ACADSB: variants seen among roughly 807,000 people sequenced by gnomAD.
ACADSB encodes acyl-CoA dehydrogenase short/branched chain, also known as short/branched chain specific acyl-CoA dehydrogenase, mitochondrial.
Under a neutral mutation model 54.1 loss-of-function variants are expected in ACADSB, and 40 were observed. That is an observed-to-expected ratio of 0.74 (90% confidence interval 0.57 to 0.96). The LOEUF is 0.96. Ranked by LOEUF, ACADSB falls within the 40% of genes least tolerant of loss-of-function variation. ACADSB has a pLI of 0.00. For missense variants in ACADSB, 530 were observed against 510.4 expected (o/e 1.04, Z -0.37); for synonymous variants, 182 against 182.8 (o/e 1.00, Z 0.03).
At chr10:123,036,862 G>A (rs920910441) in intron 2 of ACADSB, among the ~76,000 whole-genome samples, 16 of 152,282 alleles carry the variant, frequency 1.1e-4, no homozygotes, top group Non-Finnish European at 1.8e-4. Flanking sequence ...CATAATGAGA[G>A]TCGCGTGTGC....
intron 6 of ACADSB, 96 bp downstream of exon 6, chr10:123,043,267 G>A (rs1850500217): frequency 6.8e-7 from 1 of 1,470,264 alleles, no homozygotes; most frequent in Non-Finnish European, 9.5e-7. Flanking sequence ...AATACTAAGT[G>A]GCTATAAGCA....
At chr10:123,025,603 C>T (rs1239659570) in intron 1 of ACADSB, among the ~76,000 whole-genome samples, 1 of 152,044 alleles carries the variant, frequency 6.6e-6, no homozygotes, top group African/African-American at 2.4e-5. Flanking sequence ...AGCTAATTTC[C>T]CTAATTTGTA....
rs1266747835 is a variant in ACADSB at position 123,043,160 on chromosome 10, G to A, written c.796G>A (p.Glu266Lys). ...RASSTCPLTF[E>K]NVKVPEANIL... ...TTCTTCCACCTGCCCGTTAACATTC[G>A]AAAATGTCAAGGTGGGTATCGTAGA... is the stretch of plus-strand genomic sequence containing the variant. Residue 266 changes from glutamate to lysine, a missense_variant, in exon 6 of 11, where the codon GAA becomes AAA. Physicochemically the swap from Glu to Lys is moderately conservative, Grantham distance 56. Transcript: ENST00000358776. 37 of 1,613,624 alleles carry A rather than the reference G, an allele frequency of 2.3e-5. No individual in the cohort carries two copies. The highest frequency in any genetic ancestry group is 4.4e-5 in the South Asian group (4 of 91,088).
intron 7 of ACADSB, among the ~76,000 whole-genome samples, chr10:123,044,886 G>T (rs1184589611): frequency 6.6e-6 from 1 of 151,754 alleles, no homozygotes; most frequent in Non-Finnish European, 1.5e-5. Context: ...GATATCTATA[G>T]TTAATAAAAG....
chr10:123,054,631 G>T lies in ACADSB; in HGVS notation c.*866G>T, dbSNP rs1473646413. On this transcript the variant is annotated 3_prime_UTR_variant, in exon 11 of 11. Transcript: ENST00000358776. ...GTATAATTTTGTAGGTCATATGATT[G>T]AAGAAAATATTATTTTAACAATGTA... The T allele has an allele frequency of 2.0e-5, 3 of 152,130 alleles. No individual in the cohort carries two copies. Among genetic ancestry groups the T allele is most frequent in the African/African-American group, 7.2e-5 (3 of 41,422 alleles). The allele number at this position is 152,130 out of a possible 1,614,324, so 9.4% of individuals were successfully genotyped here.
At chr10:123,029,858 A>C (rs1447191992) in intron 1 of ACADSB, among the ~76,000 whole-genome samples, 1 of 152,204 alleles carries the variant, frequency 6.6e-6, no homozygotes, top group African/African-American at 2.4e-5. Flanking sequence ...AATACCATAG[A>C]CTGGGTGCTT....
At chr10:123,034,659 T>C in intron 2 of ACADSB, 144 bp downstream of exon 2, 1 of 855,912 alleles carries the variant, frequency 1.2e-6, no homozygotes, top group Non-Finnish European at 1.9e-6. Flanking sequence ...AATATCACCT[T>C]ATTATTCCTC....
At chr10:123,011,965 C>T (rs887820600) in intron 1 of ACADSB, among the ~76,000 whole-genome samples, 1 of 152,076 alleles carries the variant, frequency 6.6e-6, no homozygotes, top group African/African-American at 2.4e-5. Context: ...ATTCTCTGAC[C>T]TCAGCTCCCC....
chr10:123,009,484 A>C (rs1012273426), intron 1 of ACADSB, among the ~76,000 whole-genome samples: 7 of 151,978 alleles, frequency 4.6e-5, no homozygotes, highest in African/African-American at 9.7e-5. Context: ...CCCCTCCCCC[A>C]AAAAAGATAG....
intron 1 of ACADSB, among the ~76,000 whole-genome samples, chr10:123,010,049 C>A (rs1849997073): frequency 6.6e-6 from 1 of 152,152 alleles, no homozygotes; most frequent in Non-Finnish European, 1.5e-5. Flanking sequence ...GTTTTACAGG[C>A]CTGAAGTGCA....
intron 1 of ACADSB, among the ~76,000 whole-genome samples, chr10:123,030,058 A>T (rs1282407787): frequency 1.3e-5 from 2 of 152,168 alleles, no homozygotes; most frequent in Non-Finnish European, 2.9e-5. Flanking sequence ...GAGCTCTCAT[A>T]ACCTAATCAC....
At chr10:123,020,091 T>G (rs1850164511) in intron 1 of ACADSB, among the ~76,000 whole-genome samples, 1 of 152,220 alleles carries the variant, frequency 6.6e-6, no homozygotes, top group Non-Finnish European at 1.5e-5. Flanking sequence ...AAGGTTTATT[T>G]CCTATGCATA....
chr10:123,030,143 C>T (rs1180483002), intron 1 of ACADSB, among the ~76,000 whole-genome samples: 1 of 152,170 alleles, frequency 6.6e-6, no homozygotes. Flanking sequence ...ACATGCAAAC[C>T]ATGTCATATG....
chr10:123,029,357 GAAGAAAAAAAAAA>G (rs1294684911), intron 1 of ACADSB, among the ~76,000 whole-genome samples: 2 of 146,562 alleles, frequency 1.4e-5, no homozygotes, highest in African/African-American at 2.5e-5. Flanking sequence ...AAAAAAAAGA[GAAGAAAAAAAAAA>G]AAGAAAGAAA....
At chr10:123,014,187 C>T (rs1850082643) in intron 1 of ACADSB, among the ~76,000 whole-genome samples, 1 of 152,202 alleles carries the variant, frequency 6.6e-6, no homozygotes, top group Admixed American at 6.5e-5. Context: ...CTCACCTTCT[C>T]TCACCCTCTT....
Position 123,040,463 on chromosome 10 carries a change from T to C in ACADSB, c.304-3T>C. 1 of 1,612,964 alleles carries C rather than the reference T, an allele frequency of 6.2e-7. No homozygotes were observed. Among genetic ancestry groups the C allele is most frequent in the Non-Finnish European group, 8.5e-7 (1 of 1,178,928 alleles). On this transcript the variant is annotated splice_region_variant and splice_polypyrimidine_tract_variant and intron_variant, in intron 3 of 10. Coordinates refer to ENST00000358776, the MANE Select transcript of ACADSB (RefSeq NM_001609.4). Reference sequence around the variant, plus strand: ...AATCTATGTTGCCTTGTTTTTTCTTTAGTTGATGGGTATTGAAGTTGACCC... The same window carrying C: ...AATCTATGTTGCCTTGTTTTTTCTTCAGTTGATGGGTATTGAAGTTGACCC...
rs1287950440 is a variant in ACADSB at position 123,053,804 on chromosome 10, G to C, written c.*39G>C. The C allele has an allele frequency of 2.0e-5, 31 of 1,567,798 alleles. No homozygotes were observed. Among genetic ancestry groups the C allele is most frequent in the Non-Finnish European group, 2.6e-5 (30 of 1,138,004 alleles). Reference sequence around the variant, plus strand: ...GGGACCCCTCCCTGGTGTCACTGCTGTAAAATTTTAAACGGTTGTGTCTTG... The same window carrying C: ...GGGACCCCTCCCTGGTGTCACTGCTCTAAAATTTTAAACGGTTGTGTCTTG... On this transcript the variant is annotated 3_prime_UTR_variant, in exon 11 of 11. Transcript: ENST00000358776.
In ACADSB at chr10:123,033,002, C is replaced by G. The variant is rs556775145; in HGVS notation, c.43-1354C>G. 2.0e-5 allele frequency among the ~76,000 whole-genome samples: 3 copies of G among 152,286 alleles called. No individual in the cohort carries two copies. The South Asian group carries it at 6.2e-4, about 32-fold the overall frequency. ...CTTCCCCTTCTTGAGCCCCTTTGCA[C>G]TTCGATTCTTACCTCACTTCTCCTT... On this transcript the variant is annotated intron_variant, in intron 1 of 10. Transcript: ENST00000358776.
chr10:123,034,312 T>G, intron 1 of ACADSB, 44 bp from the exon 2 acceptor site: 1 of 1,589,990 alleles, frequency 6.3e-7, no homozygotes, highest in Non-Finnish European at 8.6e-7. Flanking sequence ...CCAAAGAAAA[T>G]GATATTCAAG....
Sources: allele counts gnomAD v4.1 joint callset (sites outside exome capture counted in the v4.1 genomes callset), GRCh38; gene constraint gnomAD v4.1.1; transcripts MANE v1.5; gene names NCBI Gene and HGNC (gene_info 2026-07-23, HGNC 2026-07-21).